OBI1: variants seen among roughly 807,000 people sequenced by gnomAD.
OBI1 encodes ring finger protein 219.
Under a neutral mutation model 62.4 loss-of-function variants are expected in OBI1, and 59 were observed. The ratio of observed to expected loss-of-function variants is 0.95; its 90% CI spans 0.77 to 1.17. The LOEUF (loss-of-function observed/expected upper bound fraction) is 1.17, where lower values mean the gene tolerates loss of function less well. Ranked by LOEUF, OBI1 falls within the 50% of genes most tolerant of loss-of-function variation. OBI1 has a pLI of 0.00. For synonymous variants in OBI1, 302 were observed against 292.8 expected, an observed-to-expected ratio of 1.03 and a Z score of -0.32; for missense variants, 875 against 830.9, an observed-to-expected ratio of 1.05 and a Z score of -0.65.
At chr13:78,627,610 T>A (rs1383074239) in intron 5 of OBI1, among the ~76,000 whole-genome samples, 1 of 152,192 alleles carries the variant, frequency 6.6e-6, no homozygotes, top group Non-Finnish European at 1.5e-5. Context: ...ATGATCTCAT[T>A]CCTTTTTATG....
Position 78,615,897 on chromosome 13 carries a change from T to C in OBI1, c.1864A>G (p.Met622Val). ...GAATGGAGTGAAAAATCTTCATTCA[T>C]TTCTTGGTCAGATGGAGAGAGGAGA... ...FFLLSPSDQE[M>V]NEDFSLHSSS... Residue 622 changes from methionine to valine, a missense_variant, in exon 6 of 6, where the codon ATG becomes GTG. Coordinates refer to ENST00000282003, the MANE Select transcript of OBI1 (RefSeq NM_024546.4). 6.2e-7 allele frequency: 1 copy of C among 1,614,166 alleles called. No homozygotes were observed. The highest frequency in any genetic ancestry group is 8.5e-7 in the Non-Finnish European group (1 of 1,180,010).
intron 5 of OBI1, 61 bp downstream of exon 5, chr13:78,635,049 A>G: frequency 1.0e-6 from 1 of 983,462 alleles, no homozygotes. Flanking sequence ...AAACCCTCAC[A>G]GCAGCCTAGT....
intron 5 of OBI1, among the ~76,000 whole-genome samples, chr13:78,632,042 T>A (rs1875867758): frequency 6.6e-6 from 1 of 152,070 alleles, no homozygotes; most frequent in East Asian, 1.9e-4. Context: ...TAGAAAGAAA[T>A]ATGTTCTGTG....
intron 5 of OBI1, among the ~76,000 whole-genome samples, chr13:78,633,470 T>G (rs1458081453): frequency 6.6e-6 from 1 of 152,160 alleles, no homozygotes; most frequent in African/African-American, 2.4e-5. Context: ...TAGGATAAAT[T>G]TCCATTGTTT....
intron 5 of OBI1, among the ~76,000 whole-genome samples, chr13:78,621,767 G>C (rs926521909): frequency 6.6e-6 from 1 of 152,176 alleles, no homozygotes; most frequent in Non-Finnish European, 1.5e-5. Context: ...GATGTCTAGA[G>C]AAAATGACAG....
chr13:78,620,921 C>T (rs1489198198), intron 5 of OBI1, among the ~76,000 whole-genome samples: 1 of 152,218 alleles, frequency 6.6e-6, no homozygotes, highest in Non-Finnish European at 1.5e-5. Flanking sequence ...CTTTGCCTTT[C>T]TGGTTCTCAA....
intron 5 of OBI1, among the ~76,000 whole-genome samples, chr13:78,633,019 C>T (rs1267066960): frequency 6.6e-6 from 1 of 152,190 alleles, no homozygotes; most frequent in Non-Finnish European, 1.5e-5. Context: ...TATTTTAAAA[C>T]ACACATCCTT....
chr13:78,617,845 A>AAAAAAT, intron 5 of OBI1, among the ~76,000 whole-genome samples: 1 of 151,658 alleles, frequency 6.6e-6, no homozygotes. Flanking sequence ...AAAAAAAAAA[A>AAAAAAT]TTTTTTTGTA....
chr13:78,654,585 A>G (rs1876641884), intron 1 of OBI1, among the ~76,000 whole-genome samples: 1 of 152,192 alleles, frequency 6.6e-6, no homozygotes, highest in Non-Finnish European at 1.5e-5. Flanking sequence ...CTTTGTCTCT[A>G]GCCCTATATT....
intron 5 of OBI1, among the ~76,000 whole-genome samples, chr13:78,633,568 C>G (rs1488279506): frequency 6.6e-6 from 1 of 152,152 alleles, no homozygotes; most frequent in African/African-American, 2.4e-5. Context: ...CATGTGCCAT[C>G]CCTCAGAGAG....
intron 5 of OBI1, among the ~76,000 whole-genome samples, chr13:78,624,248 C>T (rs1310367169): frequency 2.0e-5 from 3 of 152,018 alleles, no homozygotes; most frequent in African/African-American, 7.2e-5. Flanking sequence ...GAAAGTGTTC[C>T]AATATTTGCA....
chr13:78,648,536 A>C (rs1368857608), intron 1 of OBI1, among the ~76,000 whole-genome samples: 1 of 152,220 alleles, frequency 6.6e-6, no homozygotes, highest in African/African-American at 2.4e-5. Flanking sequence ...CATAAAAAAA[A>C]ACACATTTAA....
At chr13:78,658,948 C>T (rs2137477643) in intron 1 of OBI1, 101 bp downstream of exon 1, 2 of 993,612 alleles carry the variant, frequency 2.0e-6, no homozygotes, top group Non-Finnish European at 3.1e-6. Flanking sequence ...CCCATCTCCG[C>T]GCCTCACGCC....
At chr13:78,637,332 G>C (rs1876060461) in intron 4 of OBI1, among the ~76,000 whole-genome samples, 1 of 152,126 alleles carries the variant, frequency 6.6e-6, no homozygotes, top group Admixed American at 6.5e-5. Flanking sequence ...AGCATCACTA[G>C]GCATAGAAAA....
At chr13:78,619,996 C>T (rs1875456249) in intron 5 of OBI1, among the ~76,000 whole-genome samples, 1 of 152,010 alleles carries the variant, frequency 6.6e-6, no homozygotes, top group African/African-American at 2.4e-5. Flanking sequence ...TCACTGACAC[C>T]CAGGAAAGCA....
intron 5 of OBI1, among the ~76,000 whole-genome samples, chr13:78,632,748 G>C (rs1875891646): frequency 6.6e-6 from 1 of 152,136 alleles, no homozygotes; most frequent in Non-Finnish European, 1.5e-5. Context: ...ACTAGGGTTT[G>C]GTGATGCAGA....
At chr13:78,656,792 A>ATTTTTT (rs869148028) in intron 1 of OBI1, among the ~76,000 whole-genome samples, 4 of 67,176 alleles carry the variant, frequency 6.0e-5, no homozygotes, top group African/African-American at 1.3e-4. Context: ...TTTATTTTTA[A>ATTTTTT]TTTTTTTTTT....
At position 78,616,087 on chromosome 13, in the gene OBI1, AC is replaced by A. The variant is rs749879342; in HGVS notation, c.1673del (p.Gly558ValfsTer32). ...ACCCATCCAAATCCAGTGACTTAAA[AC>A]CGTTATTACAAGGGCTCTTGCTGTT... ...SDNSKSPCNN[G>X]FKSLDLDGLS... On this transcript the variant is annotated frameshift_variant, in exon 6 of 6. Coordinates refer to ENST00000282003, the MANE Select transcript of OBI1 (RefSeq NM_024546.4). LOFTEE classifies it high-confidence loss of function. The A allele has an allele frequency of 1.9e-6, 3 of 1,614,104 alleles. No homozygotes were observed. Among genetic ancestry groups the A allele is most frequent in the South Asian group, 1.1e-5 (1 of 91,076 alleles).
chr13:78,649,331 T>C (rs1215678322), intron 1 of OBI1, among the ~76,000 whole-genome samples: 5 of 152,076 alleles, frequency 3.3e-5, no homozygotes, highest in African/African-American at 1.2e-4. Context: ...AAGGAGAATA[T>C]GATATCACAG....
Sources: gnomAD v4.1 joint callset for allele counts (sites outside exome capture counted in the v4.1 genomes callset) on GRCh38, gnomAD v4.1.1 for gene constraint, MANE v1.5 for transcripts, NCBI Gene and HGNC (gene_info 2026-07-23, HGNC 2026-07-21) for gene names.